ZNF346: variants seen among roughly 807,000 people sequenced by gnomAD.
The protein encoded by ZNF346 is double-stranded RNA-binding zinc finger protein JAZ.
Under a neutral mutation model 33.7 loss-of-function variants are expected in ZNF346, and 23 were observed. The observed-to-expected ratio is 0.68, with a 90% CI of 0.49 to 0.97. ZNF346 has a LOEUF of 0.97. ZNF346 is among the 50% of genes least tolerant of loss of function. The pLI is 0.00. For synonymous variants in ZNF346, 134 were observed against 142.4 expected, an observed-to-expected ratio of 0.94 and a Z score of 0.42; for missense variants, 340 against 371.1, an observed-to-expected ratio of 0.92 and a Z score of 0.69.
At chr5:177,023,788 A>G (rs1561953483) in intron 1 of ZNF346, among the ~76,000 whole-genome samples, 1 of 152,092 alleles carries the variant, frequency 6.6e-6, no homozygotes, top group Non-Finnish European at 1.5e-5. Context: ...TCTGGAGGGA[A>G]ATCAGATTTC....
rs1401310942 is a variant in ZNF346 at position 177,023,153 on chromosome 5, A to G, written c.175+240A>G. 7.8e-6 allele frequency: 12 copies of G among 1,531,876 alleles called. No homozygotes were observed. The East Asian group carries it at 2.2e-4, about 28-fold the overall frequency. The allele number at this position is 1,531,876 out of a possible 1,614,324, so 94.9% of individuals were successfully genotyped here. On this transcript the variant is annotated intron_variant, in intron 1 of 6. Transcript: ENST00000358149. ...TTTTCCTCCTCCTCCTTCATCATTCACTACAGCGCAGTTTTTCCCACATTC... is the reference window on the plus strand; with the variant it reads ...TTTTCCTCCTCCTCCTTCATCATTCGCTACAGCGCAGTTTTTCCCACATTC...
intron 6 of ZNF346, among the ~76,000 whole-genome samples, chr5:177,062,538 C>A (rs1782677698): frequency 6.6e-6 from 1 of 152,122 alleles, no homozygotes; most frequent in Admixed American, 6.5e-5. Flanking sequence ...CCTCTCATTC[C>A]TTAATCAAAT....
At chr5:177,070,971 G>C (rs1783471336), downstream of ZNF346, among the ~76,000 whole-genome samples, 1 of 152,160 alleles carries the variant, frequency 6.6e-6, no homozygotes, top group African/African-American at 2.4e-5. Context: ...AGAGGAAGTG[G>C]AAGCATACTC....
intron 1 of ZNF346, among the ~76,000 whole-genome samples, chr5:177,040,128 C>T (rs974782541): frequency 1.3e-5 from 2 of 150,890 alleles, no homozygotes; most frequent in African/African-American, 4.9e-5. Flanking sequence ...TTGCAGTGAG[C>T]CGACATCATG....
At position 177,066,166 on chromosome 5, in the gene ZNF346, CTCA is replaced by C. The variant is rs1349997590; in HGVS notation, c.*1570_*1572del. Among the ~76,000 whole-genome samples the C allele has an allele frequency of 6.6e-6, 1 of 150,828 alleles. No individual in the cohort carries two copies. The highest frequency in any genetic ancestry group is 2.0e-4 in the East Asian group (1 of 5,088). ...CCTGAACTCAGTACAGCCTCATCTT[CTCA>C]TCCACCACCTTCTCCTGCTTCTCCT... On this transcript the variant is annotated 3_prime_UTR_variant, in exon 7 of 7. Transcript: ENST00000358149.
chr5:177,044,200 A>G, intron 3 of ZNF346, 189 bp from the exon 4 acceptor site: 1 of 592,864 alleles, frequency 1.7e-6, no homozygotes. Context: ...AGGAAGCATC[A>G]GAGAATAAAG....
At chr5:177,053,214 G>T (rs920907403) in intron 5 of ZNF346, among the ~76,000 whole-genome samples, 17 of 151,302 alleles carry the variant, frequency 1.1e-4, no homozygotes, top group African/African-American at 4.1e-4. Context: ...TACTTAGGAG[G>T]CTGAGGCAGG....
intron 8 of ZNF346, among the ~76,000 whole-genome samples, chr5:177,074,884 G>A (rs531203154): frequency 1.3e-4 from 19 of 151,738 alleles, no homozygotes; most frequent in Middle Eastern, 3.4e-3. Context: ...TGGCTAACAC[G>A]GTGAAACCCG....
At chr5:177,052,173 T>A (rs969398749) in intron 5 of ZNF346, among the ~76,000 whole-genome samples, 1 of 107,488 alleles carries the variant, frequency 9.3e-6, no homozygotes, top group African/African-American at 7.9e-5. Context: ...AAAAAAACAA[T>A]TTTTTTTTTT....
chr5:177,052,685 T>A (rs1208522571), intron 5 of ZNF346: 1 of 152,088 alleles, frequency 6.6e-6, no homozygotes, highest in African/African-American at 2.4e-5. Flanking sequence ...AAGTTTTGCC[T>A]CCCCCATTCT....
At position 177,047,816 on chromosome 5, in the gene ZNF346, A is replaced by G. The variant is rs185404207; in HGVS notation, c.518-2935A>G. Reference sequence around the variant, plus strand: ...CCACCGTGCCCTGCCTAATTTTTGTATTACTAGCGATGGGGTTTCGGCATG... The same window carrying G: ...CCACCGTGCCCTGCCTAATTTTTGTGTTACTAGCGATGGGGTTTCGGCATG... On this transcript the variant is annotated intron_variant, in intron 4 of 6. Coordinates refer to ENST00000358149, the MANE Select transcript of ZNF346 (RefSeq NM_012279.4). Among the ~76,000 whole-genome samples, 426 of 151,772 alleles carry G rather than the reference A, an allele frequency of 2.8e-3. 1 individual carries two copies. The highest frequency in any genetic ancestry group is 9.9e-3 in the African/African-American group (409 of 41,398).
chr5:177,030,554 G>A (rs1317987368), intron 1 of ZNF346, among the ~76,000 whole-genome samples: 3 of 151,754 alleles, frequency 2.0e-5, no homozygotes, highest in Non-Finnish European at 2.9e-5. Context: ...TGATCCGCCC[G>A]CCTCAGCCTC....
rs1005927974 is a variant in ZNF346 at position 177,064,833 on chromosome 5, G to A, written c.*234G>A. 4 of 514,892 alleles carry A rather than the reference G, an allele frequency of 7.8e-6. No individual in the cohort carries two copies. The highest frequency in any genetic ancestry group is 1.9e-5 in the African/African-American group (1 of 52,326). The allele number at this position is 514,892 out of a possible 1,614,324, so 31.9% of individuals were successfully genotyped here. A position where few individuals can be genotyped will look rare whatever the true frequency, so the allele number is the denominator to read the frequency against. ...GAGGCAAGGGTATTGAGAGACTCGG[G>A]GTCTCGCGGGGTGGTAGTTTGGAGG... On this transcript the variant is annotated 3_prime_UTR_variant, in exon 7 of 7. Transcript: ENST00000358149.
intron 8 of ZNF346, among the ~76,000 whole-genome samples, chr5:177,075,122 C>G (rs1035516384): frequency 6.6e-6 from 1 of 151,770 alleles, no homozygotes; most frequent in Non-Finnish European, 1.5e-5. Flanking sequence ...ACATTTTGGC[C>G]GGGCATGGTG....
chr5:177,041,256 G>GT (rs1554146925), intron 2 of ZNF346, 27 bp downstream of exon 2: 7 of 1,581,524 alleles, frequency 4.4e-6, no homozygotes, highest in Non-Finnish European at 6.1e-6. Context: ...TTAGAACTGC[G>GT]TTTCTTTTCA....
At chr5:177,035,761 A>T (rs1778414726) in intron 1 of ZNF346, among the ~76,000 whole-genome samples, 1 of 28,886 alleles carries the variant, frequency 3.5e-5, no homozygotes, top group African/African-American at 2.4e-4. Context: ...TCAGCCTCCC[A>T]AGTAGCTGGG....
intron 4 of ZNF346, among the ~76,000 whole-genome samples, chr5:177,046,892 AG>A (rs1482287410): frequency 6.6e-6 from 1 of 151,772 alleles, no homozygotes; most frequent in Non-Finnish European, 1.5e-5. Flanking sequence ...CAATTGCAAA[AG>A]ATACAAAGAA....
At chr5:177,047,684 T>G (rs959978831) in intron 4 of ZNF346, among the ~76,000 whole-genome samples, 1 of 152,124 alleles carries the variant, frequency 6.6e-6, no homozygotes, top group African/African-American at 2.4e-5. Flanking sequence ...TTTTGCATTT[T>G]TAATAGAGAC....
chr5:177,045,250 A>AT (rs1274283838), intron 4 of ZNF346, among the ~76,000 whole-genome samples: 1 of 152,072 alleles, frequency 6.6e-6, no homozygotes. Flanking sequence ...TTGCTTCTCT[A>AT]TTTTGGACCA....
Sources: allele counts gnomAD v4.1 joint callset (sites outside exome capture counted in the v4.1 genomes callset), GRCh38; gene constraint gnomAD v4.1.1; transcripts MANE v1.5; gene names NCBI Gene and HGNC (gene_info 2026-07-23, HGNC 2026-07-21).